The following DDC variants were observed in gnomAD, a reference collection of about 807,000 sequenced individuals.
DDC encodes dopa decarboxylase.
In DDC, 43 loss-of-function variants were observed where a neutral mutation model predicts 60.0. The observed-to-expected ratio is 0.72, with a 90% CI of 0.56 to 0.92. The LOEUF (loss-of-function observed/expected upper bound fraction) is 0.92, where lower values mean the gene tolerates loss of function less well. Ranked by LOEUF, DDC falls within the 40% of genes least tolerant of loss-of-function variation. The pLI, the probability that DDC is intolerant of heterozygous loss-of-function variation, is 0.00. For missense variants in DDC, 573 were observed against 620.2 expected (o/e 0.92, Z 0.81); for synonymous variants, 232 against 234.6 (o/e 0.99, Z 0.10).
chr7:50,473,502 A>G (rs535597769), intron 11 of DDC, among the ~76,000 whole-genome samples: 1 of 152,298 alleles, frequency 6.6e-6, no homozygotes, highest in South Asian at 2.1e-4. Flanking sequence ...TCCCCTCATC[A>G]GCCATGAAAC....
At chr7:50,464,037 C>T (rs1219484892) in intron 13 of DDC, among the ~76,000 whole-genome samples, 1 of 152,008 alleles carries the variant, frequency 6.6e-6, no homozygotes, top group Non-Finnish European at 1.5e-5. Flanking sequence ...CTGCCTGGGC[C>T]CTGCTTCCAT....
At chr7:50,482,880 A>G (rs2042800165) in intron 9 of DDC, among the ~76,000 whole-genome samples, 1 of 152,218 alleles carries the variant, frequency 6.6e-6, no homozygotes, top group South Asian at 2.1e-4. Flanking sequence ...TAGTGTATCT[A>G]GACATCTTGC....
intron 1 of DDC, among the ~76,000 whole-genome samples, chr7:50,544,550 C>T (rs1383048278): frequency 6.6e-6 from 1 of 152,168 alleles, no homozygotes; most frequent in East Asian, 1.9e-4. Context: ...CATGAAGGCA[C>T]AGTCACACAA....
At chr7:50,530,423 C>T (rs550885676) in intron 4 of DDC, among the ~76,000 whole-genome samples, 42 of 152,172 alleles carry the variant, frequency 2.8e-4, no homozygotes, top group South Asian at 1.5e-3. Flanking sequence ...TTGCAGCCTT[C>T]GGGACTGTGA....
Position 50,545,004 on chromosome 7 carries a change from G to A in DDC, c.-28-891C>T, listed in dbSNP as rs529271378. On this transcript the variant is annotated intron_variant, in intron 1 of 14. Coordinates refer to ENST00000444124, the MANE Select transcript of DDC (RefSeq NM_001082971.2). Reference sequence around the variant, plus strand: ...CACATATATTTTCTCCATAAGGCACGTCTTGTGCATAGGATGGCTAGACAG... The same window carrying A: ...CACATATATTTTCTCCATAAGGCACATCTTGTGCATAGGATGGCTAGACAG... 2.6e-5 allele frequency among the ~76,000 whole-genome samples: 4 copies of A among 152,232 alleles called. No individual in the cohort carries two copies. The South Asian group carries it at 8.3e-4, about 32-fold the overall frequency.
At chr7:50,501,477 A>C (rs1563007130) in intron 7 of DDC, among the ~76,000 whole-genome samples, 1 of 152,252 alleles carries the variant, frequency 6.6e-6, no homozygotes, top group Non-Finnish European at 1.5e-5. Flanking sequence ...CTGGCAAATC[A>C]TTTCAAATGC....
intron 6 of DDC, among the ~76,000 whole-genome samples, chr7:50,514,121 C>T (rs938453466): frequency 2.0e-5 from 3 of 152,190 alleles, no homozygotes; most frequent in Non-Finnish European, 4.4e-5. Flanking sequence ...GTATCCATGG[C>T]TGAGAGACCC....
chr7:50,559,428 C>CTTTT (rs60591197), intron 1 of DDC, among the ~76,000 whole-genome samples: 1 of 143,312 alleles, frequency 7.0e-6, no homozygotes, highest in Non-Finnish European at 1.5e-5. Flanking sequence ...CAGAACATTT[C>CTTTT]TTTTTTTTTT....
chr7:50,537,026 G>A (rs539027772), intron 4 of DDC, among the ~76,000 whole-genome samples: 2 of 133,982 alleles, frequency 1.5e-5, no homozygotes, highest in Non-Finnish European at 3.1e-5. Context: ...CATATTCCAT[G>A]CTAGGAAGTT....
intron 14 of DDC, chr7:50,459,772 T>C: frequency 6.6e-6 from 1 of 150,746 alleles, no homozygotes; most frequent in Non-Finnish European, 1.5e-5. Flanking sequence ...AGCCACCCCA[T>C]CCGGGAGGGA....
chr7:50,504,058 ATC>A lies in DDC; in HGVS notation c.715-1_715del. On this transcript the variant is annotated splice_acceptor_variant and coding_sequence_variant, in exon 7 of 15. Transcript: ENST00000444124. LOFTEE classifies it high-confidence loss of function. The stretch of plus-strand genomic sequence containing the variant: ...TGTTGTGGTCCCCAGGGTGGCAACC[ATC>A]TAGAGGGTAAAAAGCAGACAGCCTT... 6.2e-7 allele frequency: 1 copy of A among 1,612,492 alleles called. No homozygotes were observed. Among genetic ancestry groups the A allele is most frequent in the South Asian group, 1.1e-5 (1 of 91,060 alleles).
chr7:50,503,750 C>T (rs1002958200), intron 7 of DDC, among the ~76,000 whole-genome samples: 10 of 152,090 alleles, frequency 6.6e-5, no homozygotes, highest in African/African-American at 1.7e-4. Flanking sequence ...CTATATTGCT[C>T]GGATTTTTTT....
At chr7:50,555,531 C>T (rs879703766) in intron 1 of DDC, among the ~76,000 whole-genome samples, 3 of 152,122 alleles carry the variant, frequency 2.0e-5, no homozygotes, top group Non-Finnish European at 4.4e-5. Flanking sequence ...AAAGCCAGGG[C>T]ACCACACACA....
chr7:50,550,359 A>G (rs919255985), intron 1 of DDC, among the ~76,000 whole-genome samples: 2 of 152,220 alleles, frequency 1.3e-5, no homozygotes, highest in Admixed American at 6.5e-5. Flanking sequence ...TTAATAGACT[A>G]CAGTATAGTG....
At chr7:50,546,518 C>CAA (rs1302677011) in intron 1 of DDC, among the ~76,000 whole-genome samples, 2 of 152,162 alleles carry the variant, frequency 1.3e-5, no homozygotes, top group African/African-American at 4.8e-5. Flanking sequence ...AAGTTGTGCT[C>CAA]AGAAGGCCAA....
chr7:50,462,801 T>C (rs1333432492), intron 14 of DDC, among the ~76,000 whole-genome samples: 2 of 135,484 alleles, frequency 1.5e-5, no homozygotes, highest in Non-Finnish European at 3.1e-5. Flanking sequence ...GACTGAGTCC[T>C]GCATTATCGC....
chr7:50,537,979 C>T lies in DDC; in HGVS notation c.316G>A (p.Ala106Thr), dbSNP rs1360094078. Reference sequence around the variant, plus strand: ...AGCTCTGTGCATGCTGGGCTTGCCGCCTGTCGTGGGGGAAGGGAAGGGATT... The same window carrying T: ...AGCTCTGTGCATGCTGGGCTTGCCGTCTGTCGTGGGGGAAGGGAAGGGATT... ...GAIGCIGFSW[A>T]ASPACTELET... Residue 106 changes from alanine (A) to threonine (T), a missense_variant and splice_region_variant, in exon 4 of 15, where the codon GCG becomes ACG. Physicochemically the swap from Ala to Thr is moderately conservative, Grantham distance 58. Coordinates refer to ENST00000444124, the MANE Select transcript of DDC (RefSeq NM_001082971.2). The T allele has an allele frequency of 6.2e-7, 1 of 1,614,158 alleles. No homozygotes were observed. The highest frequency in any genetic ancestry group is 1.7e-5 in the Admixed American group (1 of 60,018).
chr7:50,462,895 G>A (rs1331216855), intron 14 of DDC, among the ~76,000 whole-genome samples: 1 of 151,196 alleles, frequency 6.6e-6, no homozygotes, highest in Non-Finnish European at 1.5e-5. Flanking sequence ...TCAGCCTCTG[G>A]AATAGCTGGG....
intron 6 of DDC, among the ~76,000 whole-genome samples, chr7:50,511,710 C>T (rs150947873): frequency 6.6e-6 from 1 of 151,580 alleles, no homozygotes; most frequent in Non-Finnish European, 1.5e-5. Context: ...GCCTGGGCGA[C>T]AGAGCGAGAC....
Sources: allele counts gnomAD v4.1 joint callset (sites outside exome capture counted in the v4.1 genomes callset), GRCh38; gene constraint gnomAD v4.1.1; transcripts MANE v1.5; gene names NCBI Gene and HGNC (gene_info 2026-07-23, HGNC 2026-07-21).